Variants in ZNF71 observed in about 807,000 individuals in gnomAD.
ZNF71 encodes zinc finger protein 71, also known as endothelial zinc finger protein induced by tumor necrosis factor alpha.
Under a neutral mutation model 6.7 loss-of-function variants are expected in ZNF71, and 3 were observed. The observed-to-expected ratio is 0.45, with a 90% confidence interval of 0.20 to 1.16. The LOEUF is 1.16. ZNF71 is among the 50% of genes most tolerant of loss of function. The pLI is 0.25. For synonymous variants in ZNF71, 343 were observed against 311.1 expected (o/e 1.10, Z -1.08); for missense variants, 688 against 728.6 (o/e 0.94, Z 0.64).
Position 56,613,797 on chromosome 19 carries a change from G to C in ZNF71, c.34-15G>C. 1 of 1,093,496 alleles carries C rather than the reference G, an allele frequency of 9.1e-7. No individual in the cohort carries two copies. Among genetic ancestry groups the C allele is most frequent in the Non-Finnish European group, 1.1e-6 (1 of 881,480 alleles). The allele number at this position is 1,093,496 out of a possible 1,614,324, so 67.7% of individuals were successfully genotyped here. On this transcript the variant is annotated splice_polypyrimidine_tract_variant and intron_variant, in intron 2 of 3. Transcript: ENST00000599599. The surrounding 1 kb of genome is among the most constrained non-coding windows in gnomAD (Gnocchi z 4.6). ...GAGGGCCCTGCGATGAGCGGATGTG[G>C]GTTTCCTCTTACAGGAATCAGTGAC...
rs2044856044 is a variant in ZNF71 at position 56,621,939 on chromosome 19, G to A, written c.832G>A (p.Val278Met). 1.9e-6 allele frequency: 3 copies of A among 1,607,020 alleles called. No homozygotes were observed. Among genetic ancestry groups the A allele is most frequent in the Non-Finnish European group, 2.5e-6 (3 of 1,178,656 alleles). ...GGGCGAGAAGCCGTATGTGTGCGACGTGTGTGGCAAGGCCTTCCGGAAGAC... is the reference window on the plus strand; with the variant it reads ...GGGCGAGAAGCCGTATGTGTGCGACATGTGTGGCAAGGCCTTCCGGAAGAC... Reference protein sequence around the residue: ...HTGEKPYVCDVCGKAFRKTSS... With the variant: ...HTGEKPYVCDMCGKAFRKTSS... The change falls in exon 4 of 4, where the codon GTG becomes ATG. Residue 278 changes from valine (V) to methionine (M), a missense_variant. Coordinates refer to ENST00000599599, the MANE Select transcript of ZNF71 (RefSeq NM_001370215.1).
intron 2 of ZNF71, among the ~76,000 whole-genome samples, chr19:56,609,658 A>G (rs58760449): frequency 0.15 from 19,664 of 133,756 alleles, 2,108 homozygotes; most frequent in East Asian, 0.32. Context: ...TGTTCTGGAC[A>G]TTGTACATAA....
rs1386068264 is a variant in ZNF71 at position 56,622,523 on chromosome 19, C to T, written c.1416C>T (p.Cys472=). 4 of 1,610,002 alleles carry T rather than the reference C, an allele frequency of 2.5e-6. No homozygotes were observed. Among genetic ancestry groups the T allele is most frequent in the Non-Finnish European group, 2.5e-6 (3 of 1,177,032 alleles). The change falls in exon 4 of 4, where the codon TGC becomes TGT. Residue 472 remains cysteine (C), a synonymous_variant. Coordinates refer to ENST00000599599, the MANE Select transcript of ZNF71 (RefSeq NM_001370215.1). ...ACACCGGGGAGAAGCCCTACGTGTG[C>T]GGCGAGTGCGGCAAGGCCTTCAGCC... ...IVHTGEKPYV[C]GECGKAFSQS...
chr19:56,610,434 G>T (rs2148011886), intron 2 of ZNF71: 1 of 151,412 alleles, frequency 6.6e-6, no homozygotes, highest in Non-Finnish European at 1.5e-5. Context: ...TTCTGCACCT[G>T]CAGCTAAGGG....
At chr19:56,612,662 A>G (rs2044760659) in intron 2 of ZNF71, among the ~76,000 whole-genome samples, 1 of 152,176 alleles carries the variant, frequency 6.6e-6, no homozygotes. Flanking sequence ...GTGAAAAACT[A>G]CATATTGGGT....
In ZNF71 at chr19:56,622,387, C is replaced by G. The variant is rs775924066; in HGVS notation, c.1280C>G (p.Ser427Cys). The G allele has an allele frequency of 3.1e-6, 5 of 1,613,466 alleles. No individual in the cohort carries two copies. In the African/African-American group the frequency reaches 6.7e-5, roughly 22 times the overall value. The change falls in exon 4 of 4, where the codon TCC becomes TGC. Residue 427 changes from serine (S) to cysteine (C), a missense_variant. Transcript: ENST00000599599. ...SECGKAFSKN[S>C]SLTQHQRIHT... Reference sequence around the variant, plus strand: ...TGCGGCAAGGCCTTCAGCAAGAACTCCTCGCTCACGCAGCACCAGCGCATC... The same window carrying G: ...TGCGGCAAGGCCTTCAGCAAGAACTGCTCGCTCACGCAGCACCAGCGCATC...
chr19:56,599,126 G>T (rs1001710841), intron 1 of ZNF71, among the ~76,000 whole-genome samples: 1 of 152,182 alleles, frequency 6.6e-6, no homozygotes, highest in Non-Finnish European at 1.5e-5. Flanking sequence ...ATCTTGAAGG[G>T]TTGGAGATGT....
At chr19:56,601,718 G>C in intron 2 of ZNF71, 127 bp downstream of exon 2, 1 of 579,010 alleles carries the variant, frequency 1.7e-6, no homozygotes, top group Non-Finnish European at 2.2e-6. Context: ...CCCTGATGAA[G>C]AGGGCTGTGC....
chr19:56,603,118 T>G lies in ZNF71; in HGVS notation c.33+1527T>G, dbSNP rs146588269. 1.7e-3 allele frequency among the ~76,000 whole-genome samples: 252 copies of G among 152,312 alleles called. No homozygotes were observed. The Middle Eastern group carries it at 0.02, about 12-fold the overall frequency. ...ATCACAAAGTGTACAATTCACTGATTTTGGGTACATTCATAGAGTCGCGTT... is the reference window on the plus strand; with the variant it reads ...ATCACAAAGTGTACAATTCACTGATGTTGGGTACATTCATAGAGTCGCGTT... On this transcript the variant is annotated intron_variant, in intron 2 of 3. Transcript: ENST00000599599. The surrounding 1 kb of genome is among the most constrained non-coding windows in gnomAD (Gnocchi z 4.6).
chr19:56,605,633 G>A (rs1600586986), intron 2 of ZNF71, among the ~76,000 whole-genome samples: 1 of 152,202 alleles, frequency 6.6e-6, no homozygotes. Context: ...AGATCTTCAT[G>A]TGGCAGAGTC....
chr19:56,601,127 T>G (rs1361838704), intron 1 of ZNF71, among the ~76,000 whole-genome samples: 2 of 151,766 alleles, frequency 1.3e-5, no homozygotes, highest in African/African-American at 4.9e-5. Flanking sequence ...TCTATAGGAG[T>G]GTACATGGGA....
intron 3 of ZNF71, among the ~76,000 whole-genome samples, chr19:56,620,759 G>T (rs1329136385): frequency 1.3e-5 from 2 of 152,080 alleles, no homozygotes; most frequent in Non-Finnish European, 2.9e-5. Flanking sequence ...GCCCAGGCTG[G>T]TCTCAAGCAA....
intron 1 of ZNF71, among the ~76,000 whole-genome samples, chr19:56,596,659 A>G (rs1293476167): frequency 6.6e-6 from 1 of 152,144 alleles, no homozygotes; most frequent in Non-Finnish European, 1.5e-5. Flanking sequence ...CTGGCCATTT[A>G]TAGATGTCCC....
chr19:56,616,810 G>A (rs919074968), intron 3 of ZNF71, among the ~76,000 whole-genome samples: 2 of 152,082 alleles, frequency 1.3e-5, no homozygotes, highest in African/African-American at 4.8e-5. Context: ...CCTTTCCTTT[G>A]TCAGAGCCTG....
chr19:56,595,845 G>GTGTT (rs2044616689), intron 1 of ZNF71, among the ~76,000 whole-genome samples: 1 of 124,280 alleles, frequency 8.0e-6, no homozygotes, highest in African/African-American at 3.3e-5. Flanking sequence ...GTGATTGTGT[G>GTGTT]TGTGTGTTTG....
At chr19:56,615,949 A>T (rs1177723567) in intron 3 of ZNF71, among the ~76,000 whole-genome samples, 1 of 152,090 alleles carries the variant, frequency 6.6e-6, no homozygotes, top group Admixed American at 6.5e-5. Flanking sequence ...TCCATTTTGA[A>T]TTAATTTTTG....
intron 3 of ZNF71, among the ~76,000 whole-genome samples, chr19:56,619,186 A>ATC (rs2044822684): frequency 6.6e-6 from 1 of 152,188 alleles, no homozygotes; most frequent in Non-Finnish European, 1.5e-5. Flanking sequence ...GTACCATTTT[A>ATC]ACCACTTATA....
intron 2 of ZNF71, among the ~76,000 whole-genome samples, chr19:56,602,409 G>A (rs2044677752): frequency 6.6e-6 from 1 of 152,164 alleles, no homozygotes; most frequent in Non-Finnish European, 1.5e-5. Flanking sequence ...ATTCCCACCA[G>A]CATGTCTGAG....
At chr19:56,601,956 A>G (rs939242239) in intron 2 of ZNF71, among the ~76,000 whole-genome samples, 1 of 152,228 alleles carries the variant, frequency 6.6e-6, no homozygotes, top group African/African-American at 2.4e-5. Context: ...GAATGCCCAC[A>G]TGTGTGATGA....
Sources: gnomAD v4.1 joint callset for allele counts (sites outside exome capture counted in the v4.1 genomes callset) on GRCh38, gnomAD v4.1.1 for gene constraint, Gnocchi (gnomAD v3.1) non-coding constraint, MANE v1.5 for transcripts, NCBI Gene and HGNC (gene_info 2026-07-23, HGNC 2026-07-21) for gene names.